The following PRUNE2 variants were observed in gnomAD, a reference collection of about 807,000 sequenced individuals.
PRUNE2 encodes the protein protein prune homolog 2.
In PRUNE2, 164 loss-of-function variants were observed where a neutral mutation model predicts 252.0. That is an observed-to-expected ratio of 0.65 (90% CI 0.57 to 0.74). The LOEUF (loss-of-function observed/expected upper bound fraction) is 0.74. Ranked by LOEUF, PRUNE2 falls within the 30% of genes least tolerant of loss-of-function variation. The probability of loss-of-function intolerance (pLI) is 0.00; values close to 1 mark genes in which losing one functional copy is unlikely to be tolerated. For missense variants in PRUNE2, 3,495 were observed against 3,711.0 expected, an observed-to-expected ratio of 0.94 and a Z score of 1.51; for synonymous variants, 1,292 against 1,350.2, an observed-to-expected ratio of 0.96 and a Z score of 0.94.
chr9:76,848,997 C>T (rs2059811009), intron 3 of PRUNE2, among the ~76,000 whole-genome samples: 1 of 152,162 alleles, frequency 6.6e-6, no homozygotes, highest in Non-Finnish European at 1.5e-5. Context: ...CAGCCTCAAC[C>T]TCCCAGGCTC....
Position 76,709,484 on chromosome 9 carries a change from C to A in PRUNE2, c.2790G>T (p.Gly930=). The A allele has an allele frequency of 6.2e-7, 1 of 1,613,918 alleles. No individual in the cohort carries two copies. The highest frequency in any genetic ancestry group is 8.5e-7 in the Non-Finnish European group (1 of 1,179,824). The change falls in exon 8 of 19, where the codon GGG becomes GGT. Residue 930 remains glycine, a synonymous_variant. Transcript: ENST00000376718. ...NLFEENMKKG[G]SDVLVPWEDS... Reference sequence around the variant, plus strand: ...CTTCCCAAGGAACTAGGACATCTGACCCTCCTTTCTTCATATTCTCCTCAA... The same window carrying A: ...CTTCCCAAGGAACTAGGACATCTGAACCTCCTTTCTTCATATTCTCCTCAA...
At chr9:76,805,308 A>T (rs1161620413) in intron 6 of PRUNE2, among the ~76,000 whole-genome samples, 1 of 152,142 alleles carries the variant, frequency 6.6e-6, no homozygotes, top group Non-Finnish European at 1.5e-5. Flanking sequence ...GAATCATGAG[A>T]ATACTACATT....
intron 6 of PRUNE2, chr9:76,740,090 A>G (rs1378038566): frequency 6.6e-6 from 1 of 151,818 alleles, no homozygotes; most frequent in Non-Finnish European, 1.5e-5. Flanking sequence ...TTAACTATCA[A>G]ATATCCAGTG....
At chr9:76,663,724 A>G (rs1425754878) in intron 9 of PRUNE2, among the ~76,000 whole-genome samples, 4 of 152,214 alleles carry the variant, frequency 2.6e-5, no homozygotes, top group African/African-American at 9.6e-5. Context: ...TGCTTTTCAG[A>G]GAATAATTAA....
At chr9:76,637,116 A>G (rs936344730) in intron 14 of PRUNE2, among the ~76,000 whole-genome samples, 1 of 152,178 alleles carries the variant, frequency 6.6e-6, no homozygotes, top group Non-Finnish European at 1.5e-5. Context: ...TGAAACTTGT[A>G]TGATTCAAAC....
At chr9:76,867,981 G>A (rs1174168232) in intron 1 of PRUNE2, among the ~76,000 whole-genome samples, 1 of 152,162 alleles carries the variant, frequency 6.6e-6, no homozygotes, top group African/African-American at 2.4e-5. Flanking sequence ...ACAATAAGAT[G>A]TGGAGAAATA....
At chr9:76,772,041 C>G (rs935838211) in intron 6 of PRUNE2, among the ~76,000 whole-genome samples, 6 of 152,230 alleles carry the variant, frequency 3.9e-5, no homozygotes, top group Non-Finnish European at 7.3e-5. Context: ...TGGCTCCACA[C>G]AAACTACCTT....
chr9:76,666,835 G>A (rs972538878), intron 9 of PRUNE2, among the ~76,000 whole-genome samples: 29 of 152,054 alleles, frequency 1.9e-4, no homozygotes, highest in Non-Finnish European at 7.4e-5. Flanking sequence ...CTGTGGGGCT[G>A]GACCCTACAG....
intron 6 of PRUNE2, among the ~76,000 whole-genome samples, chr9:76,806,087 C>T (rs2056912633): frequency 6.6e-6 from 1 of 152,152 alleles, no homozygotes; most frequent in South Asian, 2.1e-4. Context: ...TCTCTCTAAA[C>T]CAGTGGTTCA....
At chr9:76,849,299 C>CA (rs1207515246) in intron 3 of PRUNE2, among the ~76,000 whole-genome samples, 2 of 151,762 alleles carry the variant, frequency 1.3e-5, no homozygotes, top group African/African-American at 2.4e-5. Context: ...CATGAATATT[C>CA]AAAAAAAATC....
chr9:76,863,343 G>T (rs1400055488), intron 1 of PRUNE2: 1 of 151,998 alleles, frequency 6.6e-6, no homozygotes, highest in Non-Finnish European at 1.5e-5. Context: ...TATAATGCAT[G>T]TTTATTATGA....
chr9:76,640,315 CAAAG>C (rs1842028043), intron 12 of PRUNE2, among the ~76,000 whole-genome samples: 1 of 152,124 alleles, frequency 6.6e-6, no homozygotes, highest in Non-Finnish European at 1.5e-5. Context: ...ATGTTTTCTA[CAAAG>C]AGAGTGTGAC....
chr9:76,764,705 G>C (rs1338543480), intron 6 of PRUNE2: 2 of 152,320 alleles, frequency 1.3e-5, no homozygotes, highest in Non-Finnish European at 2.9e-5. Flanking sequence ...TAGGACAGCA[G>C]AAGGGTAGGA....
intron 15 of PRUNE2, among the ~76,000 whole-genome samples, chr9:76,632,864 T>A (rs980286371): frequency 1.3e-5 from 2 of 152,188 alleles, no homozygotes; most frequent in African/African-American, 4.8e-5. Flanking sequence ...ATTTTTATAG[T>A]CCCTGAGTGA....
At chr9:76,840,752 G>T (rs1479167675) in intron 4 of PRUNE2, among the ~76,000 whole-genome samples, 3 of 152,138 alleles carry the variant, frequency 2.0e-5, no homozygotes, top group Non-Finnish European at 4.4e-5. Flanking sequence ...AGGCTGAGGC[G>T]GGCAGATCAC....
At chr9:76,734,662 C>T (rs187073596) in intron 6 of PRUNE2, among the ~76,000 whole-genome samples, 1 of 152,248 alleles carries the variant, frequency 6.6e-6, no homozygotes, top group East Asian at 1.9e-4. Flanking sequence ...TTTTGTCTGT[C>T]ATCCCTTCTT....
At position 76,710,858 on chromosome 9, in the gene PRUNE2, G is replaced by A. The variant is rs753411655; in HGVS notation, c.1416C>T (p.Ile472=). ...LLPGLDSYSP[I]PEGAVAEEHA... Reference sequence around the variant, plus strand: ...GTTCCTCCGCCACCGCCCCTTCAGGGATGGGGCTGTAGGAGTCAAGCCCTG... The same window carrying A: ...GTTCCTCCGCCACCGCCCCTTCAGGAATGGGGCTGTAGGAGTCAAGCCCTG... Residue 472 remains isoleucine (I), a synonymous_variant, in exon 8 of 19, where the codon ATC becomes ATT. Coordinates refer to ENST00000376718, the MANE Select transcript of PRUNE2 (RefSeq NM_015225.3). 13 of 1,544,010 alleles carry A rather than the reference G, an allele frequency of 8.4e-6. No homozygotes were observed. The highest frequency in any genetic ancestry group is 1.1e-5 in the Non-Finnish European group (13 of 1,147,364).
At chr9:76,879,163 A>T (rs920900953) in intron 1 of PRUNE2, among the ~76,000 whole-genome samples, 6 of 152,218 alleles carry the variant, frequency 3.9e-5, no homozygotes, top group Non-Finnish European at 5.9e-5. Context: ...GCCCTCTCAG[A>T]TGCTTCATGT....
intron 1 of PRUNE2, among the ~76,000 whole-genome samples, chr9:76,879,904 T>TATATATATATATATA (rs1491404618): frequency 1.4e-4 from 6 of 43,846 alleles, no homozygotes; most frequent in South Asian, 7.9e-4. Context: ...TATATATATA[T>TATATATATATATATA]TTTTTTTTTT....
Sources: gnomAD v4.1 joint callset for allele counts (sites outside exome capture counted in the v4.1 genomes callset) on GRCh38, gnomAD v4.1.1 for gene constraint, MANE v1.5 for transcripts, NCBI Gene and HGNC (gene_info 2026-07-23, HGNC 2026-07-21) for gene names.